Variants in EPRS1 observed in about 807,000 individuals in gnomAD.
EPRS1 encodes glutamyl-prolyl-tRNA synthetase 1.
In EPRS1, 107 loss-of-function variants were observed where a neutral mutation model predicts 188.3. The ratio of observed to expected loss-of-function variants is 0.57; its 90% CI spans 0.49 to 0.67. The LOEUF (loss-of-function observed/expected upper bound fraction) is 0.67. Ranked by LOEUF, EPRS1 falls within the 30% of genes least tolerant of loss-of-function variation. The probability of loss-of-function intolerance (pLI) is 0.00; values close to 1 mark genes in which losing one functional copy is unlikely to be tolerated. For missense variants in EPRS1, 1,577 were observed against 1,802.2 expected (o/e 0.88, Z 2.26); for synonymous variants, 596 against 593.1 (o/e 1.00, Z -0.07).
intron 25 of EPRS1, 69 bp from the exon 26 acceptor site, chr1:219,980,309 C>T (rs1660870619): frequency 3.2e-5 from 39 of 1,224,920 alleles, no homozygotes; most frequent in Non-Finnish European, 3.0e-5. Flanking sequence ...TATAAAACTG[C>T]ACTACTTAAG....
At chr1:220,022,819 C>G (rs1446923891) in intron 8 of EPRS1, among the ~76,000 whole-genome samples, 1 of 152,236 alleles carries the variant, frequency 6.6e-6, no homozygotes, top group Non-Finnish European at 1.5e-5. Flanking sequence ...AGGCTCCGCT[C>G]ACCTAGTGTT....
rs747567808 is a variant in EPRS1, at chr1:220,006,320, ATAAGAT to A, written c.1743-13_1743-8del. The stretch of plus-strand genomic sequence containing the variant: ...GATTTTTCCATCTGCATTTCTAGAT[ATAAGAT>A]TAAAAGTATTCAAAGAAATATTAAC... On this transcript the variant is annotated splice_polypyrimidine_tract_variant and splice_region_variant and intron_variant, in intron 14 of 31. Transcript: ENST00000366923. The A allele has an allele frequency of 6.8e-6, 10 of 1,474,348 alleles. No individual in the cohort carries two copies. The highest frequency in any genetic ancestry group is 9.3e-6 in the Non-Finnish European group (10 of 1,079,260). 91.3% of individuals were successfully genotyped at this position (1,474,348 alleles called of 1,614,324 possible).
At chr1:220,045,906 A>G (rs1662391868) in intron 1 of EPRS1, among the ~76,000 whole-genome samples, 2 of 152,246 alleles carry the variant, frequency 1.3e-5, no homozygotes, top group African/African-American at 4.8e-5. Flanking sequence ...GAGGAGGGAC[A>G]GGACAGGAAA....
chr1:219,978,955 T>C (rs1660834518), intron 27 of EPRS1, among the ~76,000 whole-genome samples: 1 of 73,296 alleles, frequency 1.4e-5, no homozygotes, highest in South Asian at 5.7e-4. Flanking sequence ...TGTATATATA[T>C]ATATATATAT....
intron 12 of EPRS1, among the ~76,000 whole-genome samples, chr1:220,014,698 T>C (rs1041159885): frequency 1.3e-5 from 2 of 152,186 alleles, no homozygotes; most frequent in Non-Finnish European, 2.9e-5. Context: ...ATTACTGACA[T>C]GGAATTTCTC....
At position 220,024,336 on chromosome 1, in the gene EPRS1, C is replaced by T. The variant is rs745678182; in HGVS notation, c.871G>A (p.Val291Met). ...EKLIQEGKAY[V>M]DDTPAEQMKA... ...ATCTGTTCAGCAGGAGTATCATCCA[C>T]ATAAGCCTTCCCTTCTTGAATTAGC... Residue 291 changes from valine (V) to methionine (M), a missense_variant, in exon 8 of 32, where the codon GTG becomes ATG. Physicochemically the swap from Val to Met is conservative, Grantham distance 21. Around this residue, in one of 3 missense-constraint regions of EPRS1, gnomAD observed 1,278 missense variants for 1,457.4 expected, o/e 0.88. Transcript: ENST00000366923. 18 of 1,613,568 alleles carry T rather than the reference C, an allele frequency of 1.1e-5. No individual in the cohort carries two copies. Among genetic ancestry groups the T allele is most frequent in the Non-Finnish European group, 1.5e-5 (18 of 1,179,686 alleles).
At chr1:220,014,552 T>C (rs180986919) in intron 12 of EPRS1, among the ~76,000 whole-genome samples, 18 of 152,314 alleles carry the variant, frequency 1.2e-4, no homozygotes, top group African/African-American at 4.1e-4. Context: ...GAATGTATGA[T>C]AGTAGATTTA....
Position 220,020,223 on chromosome 1 carries a change from T to A in EPRS1, c.1116-2A>T. 6.3e-7 allele frequency: 1 copy of A among 1,580,186 alleles called. No homozygotes were observed. Among genetic ancestry groups the A allele is most frequent in the South Asian group, 1.1e-5 (1 of 87,928 alleles). On this transcript the variant is annotated splice_acceptor_variant, in intron 9 of 31. Transcript: ENST00000366923. LOFTEE classifies it high-confidence loss of function. Reference sequence around the variant, plus strand: ...GCAAAATCATATGTTGGATAAACACTAGAAAAAAAGAAAATAAAATAAACA... The same window carrying A: ...GCAAAATCATATGTTGGATAAACACAAGAAAAAAAGAAAATAAAATAAACA...
chr1:219,972,187 A>G (rs774975979), intron 29 of EPRS1, 40 bp from the exon 30 acceptor site: 2 of 1,266,052 alleles, frequency 1.6e-6, no homozygotes, highest in Admixed American at 4.5e-5. Context: ...AATTGTTCTC[A>G]CAAATATGAC....
intron 8 of EPRS1, among the ~76,000 whole-genome samples, chr1:220,023,684 T>A (rs1477878390): frequency 6.6e-6 from 1 of 152,242 alleles, no homozygotes; most frequent in Non-Finnish European, 1.5e-5. Flanking sequence ...TGTAAAATGT[T>A]GCAGAAGGAA....
At chr1:220,041,639 G>C (rs943609446) in intron 1 of EPRS1, among the ~76,000 whole-genome samples, 1 of 152,150 alleles carries the variant, frequency 6.6e-6, no homozygotes, top group African/African-American at 2.4e-5. Context: ...TCGGGAGTTC[G>C]AGACCAGCCT....
chr1:219,992,673 T>C (rs1661146380), intron 18 of EPRS1, among the ~76,000 whole-genome samples: 1 of 152,216 alleles, frequency 6.6e-6, no homozygotes, highest in Non-Finnish European at 1.5e-5. Flanking sequence ...ACGCCTGTAA[T>C]CCCAGCACTT....
rs1662105482 is a variant in EPRS1 at position 220,032,443 on chromosome 1, G to A, written c.472C>T (p.Gln158Ter). 1.2e-6 allele frequency: 2 copies of A among 1,613,364 alleles called. No individual in the cohort carries two copies. Among genetic ancestry groups the A allele is most frequent in the Admixed American group, 3.3e-5 (2 of 59,960 alleles). Reference protein sequence around the residue: ...KRWFGFLEAQQAFQSVGTKWD... With the variant: ...KRWFGFLEAQ The stretch of plus-strand genomic sequence containing the variant: ...TTGGTACCTACTGACTGGAAGGCCT[G>A]CTGGGCTTCAAGAAAGCCAAACCAA... Residue 158 changes from glutamine (Q) to a stop codon, truncating the protein, a stop_gained, in exon 5 of 32, where the codon CAG becomes TAG. Transcript: ENST00000366923. LOFTEE classifies it high-confidence loss of function.
At chr1:219,969,000 A>T in intron 31 of EPRS1, 44 bp from the exon 32 acceptor site, 2 of 1,612,546 alleles carry the variant, frequency 1.2e-6, no homozygotes, top group Middle Eastern at 1.6e-4. Flanking sequence ...TTATGCTGCA[A>T]ATTGCTATTC....
chr1:220,012,990 G>A (rs928040386), intron 12 of EPRS1, among the ~76,000 whole-genome samples: 2 of 152,220 alleles, frequency 1.3e-5, no homozygotes, highest in African/African-American at 4.8e-5. Flanking sequence ...TTTATTAGCT[G>A]AGAACAGATG....
intron 2 of EPRS1, among the ~76,000 whole-genome samples, chr1:220,035,800 G>A (rs916760448): frequency 2.0e-5 from 3 of 152,058 alleles, no homozygotes; most frequent in Non-Finnish European, 4.4e-5. Context: ...GGGTGACAGA[G>A]AGAGACCCTG....
intron 11 of EPRS1, 92 bp from the exon 12 acceptor site, chr1:220,018,600 A>AC (rs1290406867): frequency 1.4e-5 from 12 of 841,384 alleles, no homozygotes; most frequent in East Asian, 2.5e-5. Context: ...GAAAAAAAAA[A>AC]AAAACTCGAT....
intron 4 of EPRS1, 143 bp from the exon 5 acceptor site, chr1:220,032,669 T>C (rs1662109277): frequency 2.5e-6 from 2 of 799,158 alleles, no homozygotes; most frequent in African/African-American, 1.8e-5. Flanking sequence ...GGATATACAC[T>C]GAACTGTTTT....
At chr1:220,018,330 T>C (rs1464519739) in intron 12 of EPRS1, 119 bp downstream of exon 12, 3 of 992,790 alleles carry the variant, frequency 3.0e-6, no homozygotes, top group Admixed American at 4.0e-5. Flanking sequence ...CCTGAAAGTC[T>C]GCAAAATGTT....
Sources: allele counts gnomAD v4.1 joint callset (sites outside exome capture counted in the v4.1 genomes callset), GRCh38; gene constraint gnomAD v4.1.1; regional missense constraint gnomAD v4.1.1; transcripts MANE v1.5; gene names NCBI Gene and HGNC (gene_info 2026-07-23, HGNC 2026-07-21).